The following TMEM132C variants were observed in gnomAD, a reference collection of about 807,000 sequenced individuals.
TMEM132C encodes the protein transmembrane protein 132C, also known as protein phosphatase 1, regulatory subunit 152.
TMEM132C carries 29 observed loss-of-function variants against 61.4 expected under a neutral mutation model. The observed-to-expected ratio is 0.47, with a 90% CI of 0.35 to 0.64. The LOEUF is 0.64. Ranked by LOEUF, TMEM132C falls within the 30% of genes least tolerant of loss-of-function variation. The pLI, the probability that TMEM132C is intolerant of heterozygous loss-of-function variation, is 0.00. For missense variants in TMEM132C, 1,408 were observed against 1,476.9 expected (o/e 0.95, Z 0.76); for synonymous variants, 656 against 633.1 (o/e 1.04, Z -0.54).
chr12:128,552,073 C>T (rs369279792), intron 3 of TMEM132C, among the ~76,000 whole-genome samples: 6 of 152,318 alleles, frequency 3.9e-5, no homozygotes, highest in East Asian at 1.9e-4. Flanking sequence ...GTTGATGAGG[C>T]GGGCTCCCCA....
intron 2 of TMEM132C, among the ~76,000 whole-genome samples, chr12:128,532,607 C>T (rs1427385095): frequency 2.4e-5 from 3 of 125,908 alleles, no homozygotes; most frequent in African/African-American, 9.6e-5. Flanking sequence ...GCCATTTGCA[C>T]TCCAGCCTGG....
intron 4 of TMEM132C, among the ~76,000 whole-genome samples, chr12:128,624,615 G>C (rs1174701838): frequency 6.7e-6 from 1 of 149,892 alleles, no homozygotes; most frequent in Non-Finnish European, 1.5e-5. Flanking sequence ...AGAACTAACT[G>C]TACTCAGAAA....
chr12:128,567,904 C>T (rs1335991238), intron 3 of TMEM132C, among the ~76,000 whole-genome samples: 1 of 152,196 alleles, frequency 6.6e-6, no homozygotes, highest in Non-Finnish European at 1.5e-5. Context: ...ATTTGCTAAG[C>T]CTGTGCCATG....
intron 1 of TMEM132C, among the ~76,000 whole-genome samples, chr12:128,297,342 C>A (rs531633674): frequency 1.3e-5 from 2 of 152,148 alleles, no homozygotes; most frequent in Non-Finnish European, 2.9e-5. Context: ...GAATATTGTA[C>A]GTTTGTAAAC....
At chr12:128,448,083 A>T (rs941512186) in intron 2 of TMEM132C, among the ~76,000 whole-genome samples, 1 of 152,140 alleles carries the variant, frequency 6.6e-6, no homozygotes, top group East Asian at 1.9e-4. Flanking sequence ...TAACCTGCTG[A>T]ATGTTAGATG....
At chr12:128,367,202 G>T (rs1374198811) in intron 1 of TMEM132C, among the ~76,000 whole-genome samples, 1 of 152,204 alleles carries the variant, frequency 6.6e-6, no homozygotes, top group East Asian at 1.9e-4. Context: ...CAAGGCAGGA[G>T]CTTGGAGGGG....
intron 8 of TMEM132C, among the ~76,000 whole-genome samples, chr12:128,698,388 C>T (rs139474730): frequency 6.6e-6 from 1 of 152,298 alleles, no homozygotes; most frequent in East Asian, 1.9e-4. Flanking sequence ...GCTTCTGATG[C>T]CATCATTAGA....
chr12:128,437,851 C>G (rs913539717), intron 2 of TMEM132C: 1 of 152,186 alleles, frequency 6.6e-6, no homozygotes, highest in Non-Finnish European at 1.5e-5. Context: ...TTCTTTGACC[C>G]TGTTTTATTC....
At chr12:128,395,034 C>T (rs914726157) in intron 1 of TMEM132C, among the ~76,000 whole-genome samples, 2 of 151,586 alleles carry the variant, frequency 1.3e-5, no homozygotes, top group African/African-American at 4.8e-5. Flanking sequence ...TTTTTCTAAA[C>T]ATTTATGTAT....
At chr12:128,588,593 C>T (rs1875636329) in intron 3 of TMEM132C, among the ~76,000 whole-genome samples, 1 of 152,058 alleles carries the variant, frequency 6.6e-6, no homozygotes, top group Admixed American at 6.5e-5. Flanking sequence ...GTTTGTGTCC[C>T]CCCCACTCAC....
chr12:128,352,336 AACCATC>A (rs1392464450), intron 1 of TMEM132C, among the ~76,000 whole-genome samples: 1 of 152,120 alleles, frequency 6.6e-6, no homozygotes, highest in East Asian at 1.9e-4. Flanking sequence ...CCCCTCATAA[AACCATC>A]AGATCTCGTG....
intron 8 of TMEM132C, among the ~76,000 whole-genome samples, chr12:128,697,965 A>G (rs150572003): frequency 1.1e-3 from 162 of 152,266 alleles, no homozygotes; most frequent in African/African-American, 3.7e-3. Context: ...TTTCATACCC[A>G]GTTATGATAC....
At chr12:128,499,892 G>T (rs991728129) in intron 2 of TMEM132C, among the ~76,000 whole-genome samples, 3 of 152,074 alleles carry the variant, frequency 2.0e-5, no homozygotes, top group Non-Finnish European at 4.4e-5. Flanking sequence ...TTTTCTTTTG[G>T]ATATATACCC....
intron 3 of TMEM132C, among the ~76,000 whole-genome samples, chr12:128,612,748 G>A (rs953566005): frequency 6.6e-5 from 10 of 152,126 alleles, no homozygotes; most frequent in South Asian, 2.1e-4. Context: ...AAACGCTTTC[G>A]GGAGGTCACC....
chr12:128,610,341 T>C (rs1470238925), intron 3 of TMEM132C, among the ~76,000 whole-genome samples: 2 of 152,158 alleles, frequency 1.3e-5, no homozygotes, highest in African/African-American at 4.8e-5. Flanking sequence ...AGTAGGGAGG[T>C]AAAGCCCTTT....
At chr12:128,429,692 G>A (rs1013331122) in intron 2 of TMEM132C, among the ~76,000 whole-genome samples, 1 of 152,178 alleles carries the variant, frequency 6.6e-6, no homozygotes, top group African/African-American at 2.4e-5. Flanking sequence ...TATCCCTTCT[G>A]TTAGAAAACA....
intron 3 of TMEM132C, among the ~76,000 whole-genome samples, chr12:128,582,031 C>G (rs553998481): frequency 6.6e-6 from 1 of 152,186 alleles, no homozygotes; most frequent in African/African-American, 2.4e-5. Context: ...GTCAGAGATT[C>G]CAACGACAGG....
chr12:128,673,680 C>T (rs1954556689), intron 5 of TMEM132C, among the ~76,000 whole-genome samples: 1 of 152,196 alleles, frequency 6.6e-6, no homozygotes, highest in Non-Finnish European at 1.5e-5. Flanking sequence ...AGAATGTCTC[C>T]CGAAGAATTC....
At chr12:128,504,694 A>G (rs1872299395) in intron 2 of TMEM132C, among the ~76,000 whole-genome samples, 3 of 151,878 alleles carry the variant, frequency 2.0e-5, no homozygotes, top group African/African-American at 4.8e-5. Context: ...TAAGTACGCC[A>G]GTCCTATTGG....
Sources: allele counts gnomAD v4.1 joint callset (sites outside exome capture counted in the v4.1 genomes callset), GRCh38; gene constraint gnomAD v4.1.1; transcripts MANE v1.5; gene names NCBI Gene and HGNC (gene_info 2026-07-23, HGNC 2026-07-21).